The following COPB2 variants were observed in gnomAD, a reference collection of about 807,000 sequenced individuals.
The protein encoded by COPB2 is coat protein complex I subunit beta 2, also known as coatomer subunit beta'.
Under a neutral mutation model 120.8 loss-of-function variants are expected in COPB2, and 16 were observed. The ratio of observed to expected loss-of-function variants is 0.13; its 90% confidence interval spans 0.09 to 0.20. The LOEUF is 0.20. Ranked by LOEUF, COPB2 falls within the 10% of genes least tolerant of loss-of-function variation. The probability of loss-of-function intolerance (pLI) is 1.00; values close to 1 mark genes in which losing one functional copy is unlikely to be tolerated. For missense variants in COPB2, 794 were observed against 1,076.5 expected (o/e 0.74, Z 3.67); for synonymous variants, 332 against 366.3 (o/e 0.91, Z 1.07).
chr3:139,386,706 T>C (rs943759906), intron 1 of COPB2, among the ~76,000 whole-genome samples: 1 of 152,102 alleles, frequency 6.6e-6, no homozygotes, highest in Non-Finnish European at 1.5e-5. Flanking sequence ...TGGTGAGGGT[T>C]TTCATATAAG....
At chr3:139,377,001 G>A (rs575603522) in intron 5 of COPB2, among the ~76,000 whole-genome samples, 26 of 152,100 alleles carry the variant, frequency 1.7e-4, no homozygotes, top group Non-Finnish European at 3.2e-4. Context: ...CACCTGCCTC[G>A]GTCTCCCAAA....
chr3:139,387,538 T>C (rs965300250), intron 1 of COPB2, among the ~76,000 whole-genome samples: 3 of 152,228 alleles, frequency 2.0e-5, no homozygotes, highest in African/African-American at 7.2e-5. Context: ...TAGGGAATCC[T>C]ATAGGATTTC....
chr3:139,362,172 A>C (rs1403471362), intron 16 of COPB2, among the ~76,000 whole-genome samples: 1 of 151,684 alleles, frequency 6.6e-6, no homozygotes, highest in Non-Finnish European at 1.5e-5. Flanking sequence ...ATATGAAAAC[A>C]ATTTTTCTTA....
chr3:139,358,018 G>T, intron 21 of COPB2, 60 bp from the exon 22 acceptor site: 1 of 1,101,562 alleles, frequency 9.1e-7, no homozygotes, highest in Non-Finnish European at 1.3e-6. Context: ...AAAGTTATCC[G>T]TGGGTTCATG....
chr3:139,384,099 C>T lies in COPB2; in HGVS notation c.4-664G>A, dbSNP rs536202858. ...TCATTACTTGAAATTCTTCGAAATTCGAGAAGTGGTAGTTTCTTAAAGGCT... is the reference window on the plus strand; with the variant it reads ...TCATTACTTGAAATTCTTCGAAATTTGAGAAGTGGTAGTTTCTTAAAGGCT... On this transcript the variant is annotated intron_variant, in intron 1 of 21. Transcript: ENST00000333188. Among the ~76,000 whole-genome samples the T allele has an allele frequency of 5.2e-4, 79 of 152,228 alleles. 1 individual carries two copies. Among genetic ancestry groups the T allele is most frequent in the Non-Finnish European group, 8.4e-4 (57 of 68,002 alleles).
intron 5 of COPB2, among the ~76,000 whole-genome samples, chr3:139,377,246 A>G (rs532080710): frequency 6.5e-5 from 8 of 122,880 alleles, no homozygotes; most frequent in South Asian, 2.6e-4. Flanking sequence ...TAATAATTCA[A>G]TCTGAGAAAG....
chr3:139,384,421 G>A (rs778207878), intron 1 of COPB2, among the ~76,000 whole-genome samples: 12 of 152,254 alleles, frequency 7.9e-5, no homozygotes, highest in Non-Finnish European at 1.5e-4. Context: ...TTCAAAATTC[G>A]AACTTTCACT....
chr3:139,379,068 G>A lies in COPB2; in HGVS notation c.334C>T (p.Pro112Ser). Residue 112 changes from proline to serine, a missense_variant, in exon 4 of 22, where the codon CCT becomes TCT. Pro to Ser is a moderately conservative substitution (Grantham distance 74). Around this residue, in one of 3 missense-constraint regions of COPB2, gnomAD observed 610 missense variants for 866.7 expected, o/e 0.70. Transcript: ENST00000333188. ...IRCIAVHPTQ[P>S]FILTSSDDML... The stretch of plus-strand genomic sequence containing the variant: ...TTACCACTGCTAGTTAGAATGAAAG[G>A]CTGGGTTGGATGAACAGCAATACAG... 3.1e-6 allele frequency: 5 copies of A among 1,605,734 alleles called. No individual in the cohort carries two copies. The highest frequency in any genetic ancestry group is 4.2e-6 in the Non-Finnish European group (5 of 1,177,792).
intron 1 of COPB2, among the ~76,000 whole-genome samples, chr3:139,383,761 C>T (rs1467283256): frequency 2.0e-5 from 3 of 152,008 alleles, no homozygotes; most frequent in Non-Finnish European, 4.4e-5. Context: ...AAAAATTAAA[C>T]CTGAGACAAC....
intron 9 of COPB2, 80 bp from the exon 10 acceptor site, chr3:139,371,913 G>A: frequency 8.4e-6 from 8 of 956,410 alleles, no homozygotes; most frequent in Non-Finnish European, 1.3e-5. Flanking sequence ...TTCATGTTAT[G>A]GTAAAAGAAT....
At chr3:139,386,010 A>G (rs1941912636) in intron 1 of COPB2, among the ~76,000 whole-genome samples, 1 of 152,228 alleles carries the variant, frequency 6.6e-6, no homozygotes, top group Non-Finnish European at 1.5e-5. Context: ...GAATATAAAA[A>G]GAAGATCTAG....
At chr3:139,388,536 T>C (rs535010413) in intron 1 of COPB2, among the ~76,000 whole-genome samples, 2 of 151,826 alleles carry the variant, frequency 1.3e-5, no homozygotes, top group Non-Finnish European at 2.9e-5. Flanking sequence ...TGTAGAAACA[T>C]AATTTAAAAA....
intron 1 of COPB2, chr3:139,388,246 T>C (rs1941961985): frequency 6.6e-6 from 1 of 152,048 alleles, no homozygotes; most frequent in Non-Finnish European, 1.5e-5. Flanking sequence ...TCAGGGACTG[T>C]AACCTGGGTG....
At chr3:139,369,936 A>C (rs557564287) in intron 10 of COPB2, among the ~76,000 whole-genome samples, 1 of 152,210 alleles carries the variant, frequency 6.6e-6, no homozygotes, top group Non-Finnish European at 1.5e-5. Context: ...TACTGAACAA[A>C]AGATGCTGGA....
At chr3:139,379,219 T>G in intron 3 of COPB2, 46 bp from the exon 4 acceptor site, 1 of 1,566,128 alleles carries the variant, frequency 6.4e-7, no homozygotes, top group Non-Finnish European at 8.6e-7. Context: ...ATCAAGTAAA[T>G]TATACAAAAA....
At position 139,377,905 on chromosome 3, in the gene COPB2, T is replaced by C. The variant is rs371219229; in HGVS notation, c.504+136A>G. 2.6e-5 allele frequency: 19 copies of C among 722,190 alleles called. No homozygotes were observed. The South Asian group carries it at 9.5e-4, about 36-fold the overall frequency. The allele number at this position is 722,190 out of a possible 1,614,324, so 44.7% of individuals were successfully genotyped here. Reference sequence around the variant, plus strand: ...ATGTCGTTTGGATTAAAATGAGAAATCCTATTTTGACTTCAAAACAGGCTT... The same window carrying C: ...ATGTCGTTTGGATTAAAATGAGAAACCCTATTTTGACTTCAAAACAGGCTT... On this transcript the variant is annotated intron_variant, in intron 5 of 21. Coordinates refer to ENST00000333188, the MANE Select transcript of COPB2 (RefSeq NM_004766.3).
chr3:139,362,560 A>G, intron 15 of COPB2, 43 bp from the exon 16 acceptor site: 1 of 1,262,944 alleles, frequency 7.9e-7, no homozygotes, highest in Non-Finnish European at 1.1e-6. Flanking sequence ...TGCATACAAA[A>G]ATGTATGTAT....
chr3:139,368,708 T>C (rs755793467), intron 12 of COPB2, among the ~76,000 whole-genome samples: 1 of 152,226 alleles, frequency 6.6e-6, no homozygotes, highest in Non-Finnish European at 1.5e-5. Flanking sequence ...TACATATGTA[T>C]AGCTATGCTT....
At chr3:139,386,318 G>A (rs1016327800) in intron 1 of COPB2, among the ~76,000 whole-genome samples, 4 of 151,656 alleles carry the variant, frequency 2.6e-5, no homozygotes, top group Non-Finnish European at 5.9e-5. Flanking sequence ...GGGCAGTGGC[G>A]TGATCTCGGC....
Sources: allele counts gnomAD v4.1 joint callset (sites outside exome capture counted in the v4.1 genomes callset), GRCh38; gene constraint gnomAD v4.1.1; regional missense constraint gnomAD v4.1.1; transcripts MANE v1.5; gene names NCBI Gene and HGNC (gene_info 2026-07-23, HGNC 2026-07-21).